Variants in SMARCAL1 observed in about 807,000 individuals in gnomAD.
SMARCAL1 encodes ATP-driven annealing helicase.
Under a neutral mutation model 94.5 loss-of-function variants are expected in SMARCAL1, and 58 were observed. The observed-to-expected ratio is 0.61, with a 90% CI of 0.50 to 0.76. SMARCAL1 has a LOEUF of 0.76. SMARCAL1 is among the 30% of genes least tolerant of loss of function. The probability of loss-of-function intolerance (pLI) is 0.00; values close to 1 mark genes in which losing one functional copy is unlikely to be tolerated. For missense variants in SMARCAL1, 1,051 were observed against 1,177.9 expected (o/e 0.89, Z 1.58); for synonymous variants, 422 against 455.1 (o/e 0.93, Z 0.93).
chr2:216,456,955 A>G (rs1242097203), intron 12 of SMARCAL1, among the ~76,000 whole-genome samples: 2 of 152,208 alleles, frequency 1.3e-5, no homozygotes, highest in Non-Finnish European at 2.9e-5. Flanking sequence ...AACCCATCTC[A>G]TGTGCAGAGA....
At position 216,482,624 on chromosome 2, in the gene SMARCAL1, C is replaced by T; in HGVS notation, c.2626-114C>T. On this transcript the variant is annotated intron_variant, in intron 17 of 17. Coordinates refer to ENST00000357276, the MANE Select transcript of SMARCAL1 (RefSeq NM_014140.4). This position sits in a 1 kb window ranked among gnomAD's most constrained non-coding sequence, Gnocchi z 4.3. ...CTTGCCATCGTGTAGCTCCCTGACA[C>T]CATGAAATGTGTGGTCTCTCATCTT... 16 of 1,453,900 alleles carry T rather than the reference C, an allele frequency of 1.1e-5. No homozygotes were observed. Among genetic ancestry groups the T allele is most frequent in the Admixed American group, 3.4e-5 (2 of 59,360 alleles). 90.1% of individuals were successfully genotyped at this position (1,453,900 alleles called of 1,614,324 possible). A position where few individuals can be genotyped will look rare whatever the true frequency, so the allele number is the denominator to read the frequency against.
Position 216,481,526 on chromosome 2 carries a change from CAG to C in SMARCAL1, c.2626-1209_2626-1208del, listed in dbSNP as rs1444690425. 8.2e-5 allele frequency among the ~76,000 whole-genome samples: 12 copies of C among 147,152 alleles called. No homozygotes were observed. In the Admixed American group the frequency reaches 8.3e-4, roughly 10 times the overall value. On this transcript the variant is annotated intron_variant, in intron 17 of 17. Transcript: ENST00000357276. ...TTATGTATTTATTTTTTTTTTGAGA[CAG>C]AGTCTCACTCTGTCACCCAGGCTGG...
chr2:216,423,753 TG>T, intron 6 of SMARCAL1, 70 bp downstream of exon 6: 6 of 1,393,018 alleles, frequency 4.3e-6, no homozygotes, highest in Non-Finnish European at 6.1e-6. Flanking sequence ...TTAAATTTGA[TG>T]TATTTTTGAA....
At chr2:216,417,731 G>A (rs919484088) in intron 4 of SMARCAL1, among the ~76,000 whole-genome samples, 3 of 152,136 alleles carry the variant, frequency 2.0e-5, no homozygotes, top group Non-Finnish European at 4.4e-5. Context: ...ATTTGGTGTT[G>A]GAACGGGGAG....
At chr2:216,476,323 T>TG (rs397825230) in intron 15 of SMARCAL1, among the ~76,000 whole-genome samples, 1 of 151,652 alleles carries the variant, frequency 6.6e-6, no homozygotes, top group East Asian at 1.9e-4. Flanking sequence ...GTTTTTTTTT[T>TG]CTTTTGCTTT....
intron 12 of SMARCAL1, among the ~76,000 whole-genome samples, chr2:216,455,073 G>A (rs150816120): frequency 1.7e-3 from 254 of 152,350 alleles, no homozygotes; most frequent in African/African-American, 5.7e-3. Context: ...TGGCTCGCAT[G>A]GTCCCACGCC....
At chr2:216,427,010 G>C (rs1327813731) in intron 6 of SMARCAL1, 3 of 152,212 alleles carry the variant, frequency 2.0e-5, no homozygotes, top group African/African-American at 7.2e-5. Flanking sequence ...AAGTGACTCA[G>C]GCCTTTTGCC....
intron 6 of SMARCAL1, among the ~76,000 whole-genome samples, chr2:216,425,001 C>T (rs1418245739): frequency 1.3e-5 from 2 of 152,182 alleles, no homozygotes; most frequent in African/African-American, 4.8e-5. Flanking sequence ...TCACTGCAAC[C>T]TCTGCCTCCC....
intron 7 of SMARCAL1, among the ~76,000 whole-genome samples, chr2:216,432,447 C>G (rs1559126363): frequency 6.6e-6 from 1 of 152,206 alleles, no homozygotes; most frequent in Non-Finnish European, 1.5e-5. Context: ...CCTTCTTTGG[C>G]CTCCACGACC....
chr2:216,432,955 G>T, intron 8 of SMARCAL1, 87 bp downstream of exon 8: 1 of 1,537,052 alleles, frequency 6.5e-7, no homozygotes, highest in Non-Finnish European at 9.0e-7. Context: ...ACAGGGCCTA[G>T]GGATCTTTAA....
At chr2:216,450,035 T>C (rs1694410220) in intron 11 of SMARCAL1, among the ~76,000 whole-genome samples, 1 of 152,042 alleles carries the variant, frequency 6.6e-6, no homozygotes, top group African/African-American at 2.4e-5. Flanking sequence ...TAGGGTTTTG[T>C]CATGCTGGCA....
rs775081733 is a variant in SMARCAL1 at position 216,482,958 on chromosome 2, G to C, written c.2846G>C (p.Ser949Thr). 2.5e-6 allele frequency: 4 copies of C among 1,614,120 alleles called. No individual in the cohort carries two copies. In the South Asian group the frequency reaches 4.4e-5, roughly 18 times the overall value. ...RRFEFFDNWDSFTSPL is the reference protein window; with the variant it reads ...RRFEFFDNWDTFTSPL ...TTTGAATTTTTTGATAACTGGGACA[G>C]CTTTACGTCTCCCCTGTAAAAGGGG... is the stretch of plus-strand genomic sequence containing the variant. Residue 949 changes from serine to threonine, a missense_variant, in exon 18 of 18, where the codon AGC becomes ACC. Around this residue, in one of 3 missense-constraint regions of SMARCAL1, gnomAD observed 642 missense variants for 754.7 expected, o/e 0.85. Coordinates refer to ENST00000357276, the MANE Select transcript of SMARCAL1 (RefSeq NM_014140.4). The surrounding 1 kb of genome is among the most constrained non-coding windows in gnomAD (Gnocchi z 4.3).
intron 10 of SMARCAL1, among the ~76,000 whole-genome samples, chr2:216,439,822 G>A (rs1401805922): frequency 3.3e-5 from 5 of 152,182 alleles, no homozygotes; most frequent in Non-Finnish European, 7.3e-5. Flanking sequence ...AGCACTTTGG[G>A]AGGCCGAGGC....
At chr2:216,417,613 T>A (rs2106017720) in intron 4 of SMARCAL1, among the ~76,000 whole-genome samples, 1 of 152,362 alleles carries the variant, frequency 6.6e-6, no homozygotes, top group East Asian at 1.9e-4. Context: ...AATCACATTC[T>A]GAGGTCCTGG....
In SMARCAL1 at chr2:216,415,213, C is replaced by G. The variant is rs1364921783; in HGVS notation, c.509C>G (p.Pro170Arg). The G allele has an allele frequency of 6.2e-7, 1 of 1,614,174 alleles. No individual in the cohort carries two copies. The highest frequency in any genetic ancestry group is 1.1e-5 in the South Asian group (1 of 91,074). The change falls in exon 3 of 18, where the codon CCA becomes CGA. Residue 170 changes from proline to arginine, a missense_variant. Physicochemically the swap from Pro to Arg is moderately radical, Grantham distance 103. This residue lies in a region of SMARCAL1 where 398 missense variants were observed against 395.2 expected (regional missense o/e 1.01). Coordinates refer to ENST00000357276, the MANE Select transcript of SMARCAL1 (RefSeq NM_014140.4). ...CCAACTCATAAGCCTCTGGCCAAAC[C>G]AAAGAGTTCCCAAGAGACACCAGCT... The part of the protein sequence containing the change: ...ANPTHKPLAK[P>R]KSSQETPAHS...
intron 6 of SMARCAL1, among the ~76,000 whole-genome samples, chr2:216,426,778 G>A (rs1226393814): frequency 1.3e-5 from 2 of 152,292 alleles, no homozygotes; most frequent in Middle Eastern, 3.4e-3. Context: ...TGATTTCTCC[G>A]CCAGTACTGT....
chr2:216,428,782 A>G lies in SMARCAL1; in HGVS notation c.1334A>G (p.Asn445Ser), dbSNP rs766711844. The G allele has an allele frequency of 7.4e-6, 12 of 1,613,904 alleles. No homozygotes were observed. The highest frequency in any genetic ancestry group is 1.1e-5 in the South Asian group (1 of 91,084). Residue 445 changes from asparagine (N) to serine (S), a missense_variant and splice_region_variant, in exon 7 of 18, where the codon AAT becomes AGT. This residue lies in a region of SMARCAL1 where 642 missense variants were observed against 754.7 expected (regional missense o/e 0.85). Coordinates refer to ENST00000357276, the MANE Select transcript of SMARCAL1 (RefSeq NM_014140.4). ...NLMPFQRAGV[N>S]FAIAKGGRLL... ...ATGCCCTTTCAGAGAGCTGGAGTCAAGTAGGTTCTTGATCTTCCTCTCTCT... is the reference window on the plus strand; with the variant it reads ...ATGCCCTTTCAGAGAGCTGGAGTCAGGTAGGTTCTTGATCTTCCTCTCTCT...
At chr2:216,451,129 C>A in intron 12 of SMARCAL1, 65 bp downstream of exon 12, 3 of 1,336,058 alleles carry the variant, frequency 2.2e-6, no homozygotes, top group Non-Finnish European at 3.2e-6. Flanking sequence ...CCATGAGAGG[C>A]CCTTGAAAAT....
chr2:216,470,534 CT>C (rs1170272019), intron 14 of SMARCAL1, among the ~76,000 whole-genome samples: 4 of 150,922 alleles, frequency 2.7e-5, no homozygotes, highest in Non-Finnish European at 4.4e-5. Flanking sequence ...ATCTCCCACA[CT>C]GGAGTTCAGT....
Sources: allele counts gnomAD v4.1 joint callset (sites outside exome capture counted in the v4.1 genomes callset), GRCh38; gene constraint gnomAD v4.1.1; regional missense constraint gnomAD v4.1.1; non-coding constraint Gnocchi (gnomAD v3.1); transcripts MANE v1.5; gene names NCBI Gene and HGNC (gene_info 2026-07-23, HGNC 2026-07-21).